Variants in NRG1 observed in about 807,000 individuals in gnomAD.
The protein encoded by NRG1 is neuregulin 1.
NRG1 carries 18 observed loss-of-function variants against 63.8 expected under a neutral mutation model. The ratio of observed to expected loss-of-function variants is 0.28; its 90% confidence interval spans 0.19 to 0.42. NRG1 has a LOEUF of 0.42. Among genes scored for constraint, NRG1 ranks in the 10% least tolerant of loss-of-function variants. The pLI, the probability that NRG1 is intolerant of heterozygous loss-of-function variation, is 1.00. For synonymous variants in NRG1, 302 were observed against 301.3 expected, an observed-to-expected ratio of 1.00 and a Z score of -0.02; for missense variants, 762 against 814.7, an observed-to-expected ratio of 0.94 and a Z score of 0.79.
chr8:31,834,160 G>C lies in NRG1; in HGVS notation c.37+194729G>C, dbSNP rs571806687. 2.6e-5 allele frequency among the ~76,000 whole-genome samples: 4 copies of C among 152,274 alleles called. No individual in the cohort carries two copies. In the South Asian group the frequency reaches 8.3e-4, roughly 32 times the overall value. ...TTGGCAAGTATGTTTGTTGTCTGCT[G>C]TCTGCCTGTCAAGGTTGTCAGTTAG... On this transcript the variant is annotated intron_variant, in intron 1 of 10. Transcript: ENST00000519301.
chr8:32,186,629 G>A (rs1176696954), intron 1 of NRG1, among the ~76,000 whole-genome samples: 1 of 152,150 alleles, frequency 6.6e-6, no homozygotes, highest in Non-Finnish European at 1.5e-5. Context: ...ACAAAGTGGG[G>A]TCCGTCCTGG....
intron 1 of NRG1, among the ~76,000 whole-genome samples, chr8:32,051,265 T>C (rs2130810345): frequency 6.6e-6 from 1 of 152,292 alleles, no homozygotes; most frequent in Middle Eastern, 3.4e-3. Flanking sequence ...CAACCTCTGC[T>C]AGACTCAATG....
intron 1 of NRG1, among the ~76,000 whole-genome samples, chr8:31,891,608 A>G (rs549907669): frequency 2.0e-5 from 3 of 152,188 alleles, no homozygotes; most frequent in Non-Finnish European, 4.4e-5. Context: ...TACAACTACC[A>G]TATGACCCAG....
At chr8:32,167,253 C>A (rs1839499666) in intron 1 of NRG1, among the ~76,000 whole-genome samples, 1 of 152,080 alleles carries the variant, frequency 6.6e-6, no homozygotes, top group Non-Finnish European at 1.5e-5. Context: ...CTTGATAATC[C>A]ATTAAAAGTA....
intron 1 of NRG1, among the ~76,000 whole-genome samples, chr8:32,389,692 A>G (rs1460809193): frequency 6.6e-6 from 1 of 151,656 alleles, no homozygotes; most frequent in East Asian, 1.9e-4. Flanking sequence ...AATCAGAGTG[A>G]TATTGCTTCC....
chr8:32,017,664 G>GA (rs1406842550), intron 1 of NRG1, among the ~76,000 whole-genome samples: 2 of 152,286 alleles, frequency 1.3e-5, no homozygotes, highest in South Asian at 2.1e-4. Flanking sequence ...AGAGAACTCA[G>GA]AAAAAGACGT....
chr8:32,140,786 A>G (rs2131725522), intron 1 of NRG1, among the ~76,000 whole-genome samples: 1 of 152,084 alleles, frequency 6.6e-6, no homozygotes, highest in African/African-American at 2.4e-5. Flanking sequence ...TTTCTAACTA[A>G]TCAAGTACTT....
At chr8:31,645,006 C>T (rs983945184) in intron 1 of NRG1, among the ~76,000 whole-genome samples, 6 of 152,104 alleles carry the variant, frequency 3.9e-5, no homozygotes, top group Non-Finnish European at 8.8e-5. Flanking sequence ...CAAAATAGTG[C>T]AACATGGCTT....
intron 1 of NRG1, among the ~76,000 whole-genome samples, chr8:31,729,127 A>C (rs1813754180): frequency 6.6e-6 from 1 of 152,188 alleles, no homozygotes; most frequent in African/African-American, 2.4e-5. Flanking sequence ...GTGCCCAGGC[A>C]GTTTGCTTTC....
chr8:31,667,620 G>A (rs970616781), intron 1 of NRG1, among the ~76,000 whole-genome samples: 1 of 152,200 alleles, frequency 6.6e-6, no homozygotes, highest in African/African-American at 2.4e-5. Flanking sequence ...AAAGCACAGA[G>A]AAGGTAAGAG....
At chr8:32,563,940 TCTATTA>T (rs1836938072) in intron 1 of NRG1, among the ~76,000 whole-genome samples, 1 of 152,150 alleles carries the variant, frequency 6.6e-6, no homozygotes, top group South Asian at 2.1e-4. Context: ...TCTTAAACTT[TCTATTA>T]CTAAGATCCC....
intron 1 of NRG1, among the ~76,000 whole-genome samples, chr8:31,647,175 C>A (rs1333258420): frequency 2.6e-5 from 4 of 152,216 alleles, no homozygotes; most frequent in Non-Finnish European, 5.9e-5. Context: ...AGGTGTTTAA[C>A]CATCTCAGTA....
At chr8:32,450,696 G>A (rs1039517864) in intron 1 of NRG1, among the ~76,000 whole-genome samples, 5 of 152,074 alleles carry the variant, frequency 3.3e-5, no homozygotes, top group Admixed American at 2.0e-4. Context: ...GATTATAGAC[G>A]TGAACCACTG....
In NRG1 at chr8:32,742,694, G is replaced by A. The variant is rs1255610781; in HGVS notation, c.652G>A (p.Gly218Ser). 6.2e-7 allele frequency: 1 copy of A among 1,613,558 alleles called. No individual in the cohort carries two copies. The highest frequency in any genetic ancestry group is 1.3e-5 in the African/African-American group (1 of 74,946). ...TCTCAGGTGCCCAAATGAGTTTACT[G>A]GTGATCGCTGCCAAAACTACGTAAT... The change falls in exon 7 of 12, where the codon GGT becomes AGT. Residue 218 changes from glycine (G) to serine (S), a missense_variant. Physicochemically the swap from Gly to Ser is moderately conservative, Grantham distance 56 (BLOSUM62 0). This residue lies in a region of NRG1 where 122 missense variants were observed against 190.1 expected (regional missense o/e 0.64). Transcript: ENST00000356819. The surrounding 1 kb of genome is among the most constrained non-coding windows in gnomAD (Gnocchi z 4.2).
rs201169448 is a variant in NRG1 at position 32,387,771 on chromosome 8, C to CA, written c.38-208048dup. On this transcript the variant is annotated intron_variant, in intron 1 of 10. Coordinates refer to the NRG1 transcript ENST00000519301. ...TGGCTGACTTTTGGAAAGTTCCCAG[C>CA]AAAAAAAAATCCCGGTGGCTTTCTG... Among the ~76,000 whole-genome samples, 94 of 150,466 alleles carry CA rather than the reference C, an allele frequency of 6.2e-4. 1 individual carries two copies. The highest frequency in any genetic ancestry group is 9.7e-4 in the East Asian group (5 of 5,132).
intron 5 of NRG1, among the ~76,000 whole-genome samples, chr8:32,622,424 A>G (rs1042125650): frequency 2.0e-5 from 3 of 151,786 alleles, no homozygotes; most frequent in Non-Finnish European, 2.9e-5. Context: ...TCTTCTTTTG[A>G]CAGGGTTTCT....
chr8:31,901,600 T>C (rs1215555833), intron 1 of NRG1, among the ~76,000 whole-genome samples: 1 of 152,160 alleles, frequency 6.6e-6, no homozygotes, highest in African/African-American at 2.4e-5. Flanking sequence ...TTGTACTAAA[T>C]GATCTCTGTG....
chr8:32,768,709 C>T (rs116310296), downstream of NRG1, among the ~76,000 whole-genome samples: 1,238 of 152,250 alleles, frequency 8.1e-3, 13 homozygotes, highest in African/African-American at 0.029. Flanking sequence ...TTGCATGGTA[C>T]CCTTCATATA....
chr8:32,295,169 A>G (rs1382054075), intron 1 of NRG1, among the ~76,000 whole-genome samples: 1 of 152,168 alleles, frequency 6.6e-6, no homozygotes. Context: ...TTTTCAGCAA[A>G]GATGATTAAA....
Sources: allele counts gnomAD v4.1 joint callset (sites outside exome capture counted in the v4.1 genomes callset), GRCh38; gene constraint gnomAD v4.1.1; regional missense constraint gnomAD v4.1.1; non-coding constraint Gnocchi (gnomAD v3.1); transcripts MANE v1.5; gene names NCBI Gene and HGNC (gene_info 2026-07-23, HGNC 2026-07-21).